CSMD1: variants seen among roughly 807,000 people sequenced by gnomAD.
CSMD1 encodes the protein CUB and Sushi multiple domains 1.
Under a neutral mutation model 417.5 loss-of-function variants are expected in CSMD1, and 213 were observed. That is an observed-to-expected ratio of 0.51 (90% CI 0.46 to 0.57). CSMD1 has a LOEUF of 0.57. Ranked by LOEUF, CSMD1 falls within the 20% of genes least tolerant of loss-of-function variation. The probability of loss-of-function intolerance (pLI) is 0.00; values close to 1 mark genes in which losing one functional copy is unlikely to be tolerated. For synonymous variants in CSMD1, 2,862 were observed against 1,736.8 expected (o/e 1.65, Z -16.11); for missense variants, 6,923 against 4,529.7 (o/e 1.53, Z -15.17).
At chr8:4,421,301 G>C (rs1316105225) in intron 2 of CSMD1, among the ~76,000 whole-genome samples, 2 of 152,132 alleles carry the variant, frequency 1.3e-5, no homozygotes, top group Non-Finnish European at 2.9e-5. Flanking sequence ...AGACCAGCAA[G>C]AATACAGAAC....
intron 20 of CSMD1, 43 bp from the exon 21 acceptor site, chr8:3,359,383 A>G: frequency 2.0e-6 from 3 of 1,471,868 alleles, no homozygotes; most frequent in Non-Finnish European, 2.8e-6. Context: ...GGATTTGGGT[A>G]AATACACAAA....
intron 10 of CSMD1, among the ~76,000 whole-genome samples, chr8:3,559,762 T>G (rs1161368564): frequency 6.6e-6 from 1 of 152,146 alleles, no homozygotes; most frequent in African/African-American, 2.4e-5. Context: ...CATTTCAAAT[T>G]TATTGTGGAA....
chr8:3,976,864 G>C (rs117180459), intron 5 of CSMD1, among the ~76,000 whole-genome samples: 20 of 152,128 alleles, frequency 1.3e-4, no homozygotes, highest in African/African-American at 4.3e-4. Flanking sequence ...GCACTGACCA[G>C]CACTAGCACT....
intron 4 of CSMD1, among the ~76,000 whole-genome samples, chr8:4,005,700 C>G (rs1233903386): frequency 1.3e-5 from 2 of 152,186 alleles, no homozygotes; most frequent in Non-Finnish European, 1.5e-5. Flanking sequence ...GAAGAACTTT[C>G]AAGACTCCCT....
chr8:3,627,320 G>T (rs539867851), intron 7 of CSMD1, among the ~76,000 whole-genome samples: 1 of 152,108 alleles, frequency 6.6e-6, no homozygotes, highest in East Asian at 1.9e-4. Flanking sequence ...AATTTAACAC[G>T]TGATGCTATA....
chr8:4,647,825 G>C (rs569765293), intron 1 of CSMD1, among the ~76,000 whole-genome samples: 1 of 152,166 alleles, frequency 6.6e-6, no homozygotes, highest in Admixed American at 6.5e-5. Flanking sequence ...ACTGATGGGC[G>C]TTTGGGTTGG....
At position 4,709,315 on chromosome 8, in the gene CSMD1, T is replaced by A. The variant is rs1006988816; in HGVS notation, c.86-71757A>T. On this transcript the variant is annotated intron_variant, in intron 1 of 69. Coordinates refer to ENST00000635120, the MANE Select transcript of CSMD1 (RefSeq NM_033225.6). ...AGAAGGAGGTGCTGAACTATGGAGG[T>A]TGATACCTGAGGCCTCTGTGTTGGA... is the stretch of plus-strand genomic sequence containing the variant. Among the ~76,000 whole-genome samples, 6 of 152,164 alleles carry A rather than the reference T, an allele frequency of 3.9e-5. No homozygotes were observed. In the East Asian group the frequency reaches 9.7e-4, roughly 25 times the overall value.
At chr8:4,655,465 C>T (rs987101892) in intron 1 of CSMD1, among the ~76,000 whole-genome samples, 1 of 151,972 alleles carries the variant, frequency 6.6e-6, no homozygotes, top group Non-Finnish European at 1.5e-5. Context: ...TGGATTCTGG[C>T]TTATTTTTTG....
intron 1 of CSMD1, among the ~76,000 whole-genome samples, chr8:4,694,485 G>A (rs1412226175): frequency 6.6e-6 from 1 of 151,920 alleles, no homozygotes; most frequent in Admixed American, 6.6e-5. Flanking sequence ...CCAAGTAGCT[G>A]GGGCTATCTA....
chr8:4,595,201 A>G (rs1223785998), intron 2 of CSMD1, among the ~76,000 whole-genome samples: 1 of 151,974 alleles, frequency 6.6e-6, no homozygotes, highest in Admixed American at 6.6e-5. Context: ...CCTAAAATGT[A>G]GACACGTAGG....
At chr8:3,068,329 A>C (rs529530792) in intron 49 of CSMD1, among the ~76,000 whole-genome samples, 7 of 152,010 alleles carry the variant, frequency 4.6e-5, no homozygotes, top group African/African-American at 1.7e-4. Flanking sequence ...ATAATTTACC[A>C]CTCACTTTGT....
intron 1 of CSMD1, among the ~76,000 whole-genome samples, chr8:4,683,933 G>C (rs1325936623): frequency 6.6e-6 from 1 of 152,206 alleles, no homozygotes; most frequent in Non-Finnish European, 1.5e-5. Flanking sequence ...TCATATACAA[G>C]AAGAGTTTTT....
At chr8:4,787,494 C>G (rs1360893632) in intron 1 of CSMD1, 3 of 896,916 alleles carry the variant, frequency 3.3e-6, no homozygotes, top group Non-Finnish European at 3.7e-6. Flanking sequence ...AAGAAAATCA[C>G]CAGTTGTATT....
chr8:3,834,564 T>C (rs555892232), intron 5 of CSMD1, among the ~76,000 whole-genome samples: 3 of 152,280 alleles, frequency 2.0e-5, no homozygotes, highest in South Asian at 2.1e-4. Context: ...TTTAAATGTA[T>C]CCTGGCTGTA....
intron 2 of CSMD1, among the ~76,000 whole-genome samples, chr8:4,479,992 C>CA (rs1269214774): frequency 5.4e-5 from 8 of 149,004 alleles, no homozygotes; most frequent in South Asian, 4.2e-4. Flanking sequence ...AAAAAGTCAA[C>CA]AAAAAAAAGC....
chr8:3,212,989 C>A (rs529561842), intron 30 of CSMD1, among the ~76,000 whole-genome samples: 36 of 151,928 alleles, frequency 2.4e-4, no homozygotes, highest in African/African-American at 8.4e-4. Flanking sequence ...CCACCACGCC[C>A]AGCTAATTTT....
chr8:3,217,984 C>A (rs981096511), intron 29 of CSMD1, among the ~76,000 whole-genome samples: 2 of 152,082 alleles, frequency 1.3e-5, no homozygotes, highest in East Asian at 3.9e-4. Context: ...TTGTAATACA[C>A]CTTGTATTTT....
At chr8:4,297,881 A>C (rs1797771503) in intron 3 of CSMD1, among the ~76,000 whole-genome samples, 1 of 152,166 alleles carries the variant, frequency 6.6e-6, no homozygotes, top group African/African-American at 2.4e-5. Context: ...AAACAAGAAA[A>C]TTTATCGAAT....
At chr8:3,349,287 T>C (rs2117645958) in intron 21 of CSMD1, among the ~76,000 whole-genome samples, 1 of 152,280 alleles carries the variant, frequency 6.6e-6, no homozygotes, top group Non-Finnish European at 1.5e-5. Context: ...TTTCACACCC[T>C]CCTTCCCTCT....
Sources: gnomAD v4.1 joint callset for allele counts (sites outside exome capture counted in the v4.1 genomes callset) on GRCh38, gnomAD v4.1.1 for gene constraint, MANE v1.5 for transcripts, NCBI Gene and HGNC (gene_info 2026-07-23, HGNC 2026-07-21) for gene names.